Variants in RAD51B observed in about 807,000 individuals in gnomAD.
RAD51B encodes RAD51 paralog B.
In RAD51B, 38 loss-of-function variants were observed where a neutral mutation model predicts 42.2. The observed-to-expected ratio is 0.90, with a 90% confidence interval of 0.70 to 1.18. The LOEUF (loss-of-function observed/expected upper bound fraction) is 1.18, where lower values mean the gene tolerates loss of function less well. Among genes scored for constraint, RAD51B ranks in the 50% most tolerant of loss-of-function variants. The probability of loss-of-function intolerance (pLI) is 0.00; values close to 1 mark genes in which losing one functional copy is unlikely to be tolerated. For synonymous variants in RAD51B, 154 were observed against 145.2 expected (o/e 1.06, Z -0.43); for missense variants, 373 against 400.7 (o/e 0.93, Z 0.59).
chr14:68,206,157 T>A (rs1455926232), intron 7 of RAD51B, among the ~76,000 whole-genome samples: 1 of 152,242 alleles, frequency 6.6e-6, no homozygotes, highest in African/African-American at 2.4e-5. Context: ...ATTTGTCTGA[T>A]GTTTCCTTAT....
chr14:68,002,390 C>G (rs1025514145), intron 7 of RAD51B, among the ~76,000 whole-genome samples: 79 of 150,272 alleles, frequency 5.3e-4, no homozygotes, highest in African/African-American at 1.9e-3. Flanking sequence ...GTTTTTTTTT[C>G]CTTGTAAATT....
intron 7 of RAD51B, among the ~76,000 whole-genome samples, chr14:68,212,638 G>A (rs993188340): frequency 6.6e-6 from 1 of 152,234 alleles, no homozygotes; most frequent in African/African-American, 2.4e-5. Flanking sequence ...TGGTGTCATA[G>A]TAATGGAAAA....
rs947526487 is a variant in RAD51B, at chr14:68,562,969, G to A, written c.1037-31516G>A. Reference sequence around the variant, plus strand: ...CAAAGGAAGCAATAGTGTGCTCCACGGAAGGCCCGGGCTGCTGCCGGTCCC... The same window carrying A: ...CAAAGGAAGCAATAGTGTGCTCCACAGAAGGCCCGGGCTGCTGCCGGTCCC... On this transcript the variant is annotated intron_variant, in intron 10 of 10. Coordinates refer to the RAD51B transcript ENST00000487270. The A allele has an allele frequency of 2.3e-5, 23 of 985,404 alleles. No individual in the cohort carries two copies. In the Middle Eastern group the frequency reaches 1.6e-3, roughly 67 times the overall value. The allele number at this position is 985,404 out of a possible 1,614,324, so 61.0% of individuals were successfully genotyped here.
chr14:68,162,901 T>C (rs1170037293), intron 7 of RAD51B, among the ~76,000 whole-genome samples: 1 of 152,268 alleles, frequency 6.6e-6, no homozygotes. Context: ...ATTTTCTTCC[T>C]GTAAGCATGT....
In RAD51B at chr14:68,024,239, A is replaced by G. The variant is rs1272593866; in HGVS notation, c.756+137035A>G. On this transcript the variant is annotated intron_variant, in intron 7 of 10. Transcript: ENST00000471583. ...AGTACCATGCTGTTTTGGTTACTGT[A>G]GCCATATAGTACAGTTTGAAGTCAA... Among the ~76,000 whole-genome samples the G allele has an allele frequency of 3.3e-5, 5 of 152,166 alleles. 1 individual carries two copies. Among genetic ancestry groups the G allele is most frequent in the Middle Eastern group, 6.3e-3 (2 of 316 alleles).
chr14:68,287,300 T>G (rs1030510574), intron 7 of RAD51B, among the ~76,000 whole-genome samples: 2 of 152,216 alleles, frequency 1.3e-5, no homozygotes, highest in Non-Finnish European at 1.5e-5. Context: ...CCATTTCCTA[T>G]ACAGGTGCAC....
At chr14:68,358,374 T>C (rs907294929) in intron 8 of RAD51B, among the ~76,000 whole-genome samples, 1 of 152,242 alleles carries the variant, frequency 6.6e-6, no homozygotes, top group African/African-American at 2.4e-5. Context: ...TAGACATGCC[T>C]GTACTCCTGA....
intron 7 of RAD51B, among the ~76,000 whole-genome samples, chr14:68,109,503 G>A (rs2077427771): frequency 1.3e-5 from 2 of 152,028 alleles, no homozygotes; most frequent in South Asian, 2.1e-4. Flanking sequence ...ACTAGAAAGA[G>A]AAGATAAAAT....
intron 7 of RAD51B, among the ~76,000 whole-genome samples, chr14:67,926,040 C>G (rs570854360): frequency 6.6e-6 from 1 of 152,324 alleles, no homozygotes; most frequent in East Asian, 1.9e-4. Flanking sequence ...GTAGGAGGGG[C>G]TCCCATGAAG....
intron 7 of RAD51B, among the ~76,000 whole-genome samples, chr14:68,154,196 A>G (rs79949159): frequency 0.015 from 2,352 of 152,260 alleles, 67 homozygotes; most frequent in African/African-American, 0.051. Context: ...TTGTATTCCT[A>G]TAAATTTTAA....
chr14:68,282,877 A>G (rs1595657251), intron 7 of RAD51B, among the ~76,000 whole-genome samples: 1 of 151,928 alleles, frequency 6.6e-6, no homozygotes, highest in Non-Finnish European at 1.5e-5. Context: ...TCTCCACTGG[A>G]GGTTTCTCAG....
intron 8 of RAD51B, among the ~76,000 whole-genome samples, chr14:68,349,774 T>C (rs921748836): frequency 2.0e-5 from 3 of 152,170 alleles, no homozygotes; most frequent in African/African-American, 7.2e-5. Context: ...TAGTCTACAT[T>C]TCAGACAGCC....
chr14:68,049,400 G>A (rs909850705), intron 7 of RAD51B, among the ~76,000 whole-genome samples: 1 of 152,066 alleles, frequency 6.6e-6, no homozygotes, highest in African/African-American at 2.4e-5. Flanking sequence ...ATGAGTCCAG[G>A]AATCAGTAAC....
At chr14:68,112,572 T>G (rs2077476402) in intron 7 of RAD51B, among the ~76,000 whole-genome samples, 1 of 152,118 alleles carries the variant, frequency 6.6e-6, no homozygotes, top group Admixed American at 6.6e-5. Flanking sequence ...GCCTCAGCTG[T>G]AGTAATTCAG....
At chr14:68,516,007 G>A (rs559408693) in intron 10 of RAD51B, among the ~76,000 whole-genome samples, 4 of 151,838 alleles carry the variant, frequency 2.6e-5, no homozygotes, top group East Asian at 1.9e-4. Flanking sequence ...GGATGGTCTC[G>A]ATCTCCTGAC....
At chr14:68,564,538 G>T (rs377147491) in intron 10 of RAD51B, among the ~76,000 whole-genome samples, 1 of 152,178 alleles carries the variant, frequency 6.6e-6, no homozygotes. Context: ...GGCAGCTGGG[G>T]TTGGAGAAGC....
Position 68,131,388 on chromosome 14 carries a change from A to G in RAD51B, c.757-160496A>G, listed in dbSNP as rs1041631988. Among the ~76,000 whole-genome samples, 10 of 152,332 alleles carry G rather than the reference A, an allele frequency of 6.6e-5. No homozygotes were observed. In the South Asian group the frequency reaches 1.0e-3, roughly 16 times the overall value. ...TTTGGAGCTGCATTAACAAAAGTAC[A>G]TGTCAAGATCAAAGATGGACATATT... is the stretch of plus-strand genomic sequence containing the variant. On this transcript the variant is annotated intron_variant, in intron 7 of 10. Transcript: ENST00000471583.
chr14:68,548,327 C>A (rs1296773407), intron 10 of RAD51B, among the ~76,000 whole-genome samples: 1 of 152,210 alleles, frequency 6.6e-6, no homozygotes, highest in East Asian at 1.9e-4. Flanking sequence ...CTGCCCAGCC[C>A]AGCCTGCTGC....
At chr14:67,874,386 C>G (rs1448354034) in intron 5 of RAD51B, among the ~76,000 whole-genome samples, 1 of 151,808 alleles carries the variant, frequency 6.6e-6, no homozygotes, top group Non-Finnish European at 1.5e-5. Context: ...CCAACAAATT[C>G]ATAAACTTTC....
Sources: gnomAD v4.1 joint callset for allele counts (sites outside exome capture counted in the v4.1 genomes callset) on GRCh38, gnomAD v4.1.1 for gene constraint, MANE v1.5 for transcripts, NCBI Gene and HGNC (gene_info 2026-07-23, HGNC 2026-07-21) for gene names.